Variants in FLT1 observed in about 807,000 individuals in gnomAD.
FLT1 encodes vascular endothelial growth factor receptor 1.
In FLT1, 49 loss-of-function variants were observed where a neutral mutation model predicts 156.3. The observed-to-expected ratio is 0.31, with a 90% CI of 0.25 to 0.40. FLT1 has a LOEUF of 0.40. Among genes scored for constraint, FLT1 ranks in the 10% least tolerant of loss-of-function variants. The pLI is 1.00. For missense variants in FLT1, 1,322 were observed against 1,637.2 expected, an observed-to-expected ratio of 0.81 and a Z score of 3.32; for synonymous variants, 594 against 583.8, an observed-to-expected ratio of 1.02 and a Z score of -0.25.
At chr13:28,355,573 G>T (rs1264153034) in intron 15 of FLT1, among the ~76,000 whole-genome samples, 2 of 152,194 alleles carry the variant, frequency 1.3e-5, no homozygotes, top group Non-Finnish European at 2.9e-5. Context: ...GTTCATCCCG[G>T]AGTACATTCC....
intron 14 of FLT1, among the ~76,000 whole-genome samples, chr13:28,372,470 T>G (rs1873648607): frequency 6.6e-6 from 1 of 150,438 alleles, no homozygotes; most frequent in African/African-American, 2.4e-5. Flanking sequence ...TATCAAACAG[T>G]TAATATGTAT....
chr13:28,348,535 C>T (rs1235042664), intron 15 of FLT1, among the ~76,000 whole-genome samples: 1 of 152,184 alleles, frequency 6.6e-6, no homozygotes, highest in African/African-American at 2.4e-5. Flanking sequence ...ATAACTTATT[C>T]ACCCTACTCA....
At chr13:28,319,999 CA>C (rs1871375578) in intron 23 of FLT1, among the ~76,000 whole-genome samples, 1 of 152,110 alleles carries the variant, frequency 6.6e-6, no homozygotes, top group Non-Finnish European at 1.5e-5. Context: ...GGAGAGTGTG[CA>C]AAAGCATCAG....
chr13:28,482,663 G>T (rs992611998), intron 1 of FLT1, among the ~76,000 whole-genome samples: 1 of 152,022 alleles, frequency 6.6e-6, no homozygotes, highest in Non-Finnish European at 1.5e-5. Flanking sequence ...ACTATAAAGC[G>T]CATTTAAGAA....
At chr13:28,411,546 CAAAAAAAAAAA>C (rs71086852) in intron 10 of FLT1, among the ~76,000 whole-genome samples, 1 of 84,740 alleles carries the variant, frequency 1.2e-5, no homozygotes, top group African/African-American at 4.4e-5. Flanking sequence ...AACTCCATCT[CAAAAAAAAAAA>C]AAAAAAAAAA....
intron 14 of FLT1, among the ~76,000 whole-genome samples, chr13:28,379,655 T>C (rs1873991140): frequency 6.6e-6 from 1 of 152,180 alleles, no homozygotes; most frequent in African/African-American, 2.4e-5. Flanking sequence ...TTGTTTGGGT[T>C]GCCCTGGCCA....
chr13:28,465,770 G>A (rs1190007493), intron 3 of FLT1, among the ~76,000 whole-genome samples: 1 of 152,144 alleles, frequency 6.6e-6, no homozygotes, highest in East Asian at 1.9e-4. Context: ...CTTGCCCCTG[G>A]GAGGCAGAAG....
chr13:28,305,998 G>A (rs1870729907), intron 29 of FLT1, among the ~76,000 whole-genome samples: 1 of 152,196 alleles, frequency 6.6e-6, no homozygotes, highest in Non-Finnish European at 1.5e-5. Flanking sequence ...GTGAGACAGG[G>A]ACAGGCATTT....
chr13:28,471,520 C>T (rs1880179424), intron 1 of FLT1, among the ~76,000 whole-genome samples: 1 of 152,146 alleles, frequency 6.6e-6, no homozygotes, highest in Non-Finnish European at 1.5e-5. Context: ...TAGACACTTG[C>T]CCATCTTATT....
chr13:28,326,750 T>C (rs996720850), intron 20 of FLT1, among the ~76,000 whole-genome samples: 2 of 152,102 alleles, frequency 1.3e-5, no homozygotes, highest in African/African-American at 4.8e-5. Flanking sequence ...GGTTTCGAAC[T>C]CCTGACCTCA....
At chr13:28,420,820 T>C (rs943256829) in intron 10 of FLT1, among the ~76,000 whole-genome samples, 4 of 152,218 alleles carry the variant, frequency 2.6e-5, no homozygotes, top group African/African-American at 7.2e-5. Flanking sequence ...CGCCAAACTA[T>C]GTTTCCCCCA....
chr13:28,365,040 G>A (rs1873238908), intron 14 of FLT1, among the ~76,000 whole-genome samples: 1 of 152,080 alleles, frequency 6.6e-6, no homozygotes, highest in Non-Finnish European at 1.5e-5. Context: ...GGGGGAAATG[G>A]TCATATTTAT....
At chr13:28,462,833 C>T (rs1469343273) in intron 3 of FLT1, among the ~76,000 whole-genome samples, 1 of 152,198 alleles carries the variant, frequency 6.6e-6, no homozygotes, top group East Asian at 1.9e-4. Context: ...ACTCAGGACA[C>T]CACCTTCCAC....
intron 14 of FLT1, 109 bp downstream of exon 14, chr13:28,384,776 A>G: frequency 9.4e-7 from 1 of 1,067,916 alleles, no homozygotes; most frequent in Non-Finnish European, 1.5e-6. Context: ...TTGGGGCTCT[A>G]TCAGCAAGTA....
intron 15 of FLT1, among the ~76,000 whole-genome samples, chr13:28,350,807 T>C (rs1844387046): frequency 6.6e-6 from 1 of 152,128 alleles, no homozygotes; most frequent in Non-Finnish European, 1.5e-5. Flanking sequence ...AACAGCCCCT[T>C]CCTCACACGT....
At chr13:28,492,063 T>C (rs530553246) in intron 1 of FLT1, among the ~76,000 whole-genome samples, 9 of 151,894 alleles carry the variant, frequency 5.9e-5, no homozygotes. Flanking sequence ...ATATTTCGAA[T>C]ATGCAATTTA....
chr13:28,310,126 G>T (rs1207433977), intron 27 of FLT1, among the ~76,000 whole-genome samples: 2 of 152,054 alleles, frequency 1.3e-5, no homozygotes, highest in African/African-American at 2.4e-5. Flanking sequence ...CTGACCTCAG[G>T]TGATCCACCC....
chr13:28,336,502 T>C (rs1872119889), intron 17 of FLT1, among the ~76,000 whole-genome samples: 1 of 152,164 alleles, frequency 6.6e-6, no homozygotes, highest in Admixed American at 6.5e-5. Context: ...TGCAAGGATA[T>C]TGGAATCTCC....
rs1175540976 is a variant in FLT1 at position 28,321,482 on chromosome 13, T to C, written c.3155A>G (p.Asp1052Gly). ...ACTTACATCTCCTTTTCTCACATAA[T>C]CGGGGTTCTTATAAATATCCCGGGC... ...GLARDIYKNP[D>G]YVRKGDTRLP... Residue 1052 changes from aspartate (D) to glycine (G), a missense_variant, in exon 23 of 30, where the codon GAT becomes GGT. Physicochemically the swap from Asp to Gly is moderately conservative, Grantham distance 94 (BLOSUM62 -1). Around this residue, in one of 3 missense-constraint regions of FLT1, gnomAD observed 329 missense variants for 366.2 expected, o/e 0.90. Transcript: ENST00000282397. 5.6e-6 allele frequency: 9 copies of C among 1,614,154 alleles called. No individual in the cohort carries two copies. Among genetic ancestry groups the C allele is most frequent in the Non-Finnish European group, 7.6e-6 (9 of 1,179,998 alleles).
Sources: allele counts gnomAD v4.1 joint callset (sites outside exome capture counted in the v4.1 genomes callset), GRCh38; gene constraint gnomAD v4.1.1; regional missense constraint gnomAD v4.1.1; transcripts MANE v1.5; gene names NCBI Gene and HGNC (gene_info 2026-07-23, HGNC 2026-07-21).